The following YWHAE variants were observed in gnomAD, a reference collection of about 807,000 sequenced individuals.
The protein encoded by YWHAE is tyrosine 3-monooxygenase/tryptophan 5-monooxygenase activation protein epsilon, also known as 14-3-3 protein epsilon.
In YWHAE, 4 loss-of-function variants were observed where a neutral mutation model predicts 30.1. The ratio of observed to expected loss-of-function variants is 0.13; its 90% CI spans 0.07 to 0.30. The LOEUF (loss-of-function observed/expected upper bound fraction) is 0.30, where lower values mean the gene tolerates loss of function less well. YWHAE is among the 10% of genes least tolerant of loss of function. The pLI is 1.00. For missense variants in YWHAE, 121 were observed against 315.9 expected (o/e 0.38, Z 4.68); for synonymous variants, 118 against 111.8 (o/e 1.06, Z -0.35).
chr17:1,397,973 C>G (rs1336120123), intron 1 of YWHAE, among the ~76,000 whole-genome samples: 1 of 152,136 alleles, frequency 6.6e-6, no homozygotes, highest in Non-Finnish European at 1.5e-5. Context: ...GGGCTCTGGT[C>G]AGAAATCCTC....
chr17:1,359,651 A>G (rs540965009), intron 4 of YWHAE, among the ~76,000 whole-genome samples: 39 of 152,010 alleles, frequency 2.6e-4, no homozygotes, highest in Non-Finnish European at 4.0e-4. Context: ...GGCCAAATTC[A>G]TAGTGACAAC....
At chr17:1,384,818 G>A (rs1032263899) in intron 1 of YWHAE, among the ~76,000 whole-genome samples, 2 of 151,950 alleles carry the variant, frequency 1.3e-5, no homozygotes, top group Non-Finnish European at 2.9e-5. Flanking sequence ...AGATTCTCCT[G>A]CCTCCGCCTC....
intron 3 of YWHAE, chr17:1,361,649 C>G: frequency 4.4e-6 from 2 of 459,056 alleles, no homozygotes; most frequent in South Asian, 8.7e-5. Flanking sequence ...ATATATAACA[C>G]TAAGCACTGT....
At chr17:1,360,465 T>C (rs78636432) in intron 4 of YWHAE, among the ~76,000 whole-genome samples, 1,622 of 152,164 alleles carry the variant, frequency 0.011, 8 homozygotes, top group Non-Finnish European at 0.019. Flanking sequence ...AACATGCCCA[T>C]AGAAACAGAA....
chr17:1,363,437 TG>T (rs2072893830), intron 2 of YWHAE, among the ~76,000 whole-genome samples: 2 of 152,078 alleles, frequency 1.3e-5, no homozygotes, highest in Admixed American at 6.6e-5. Flanking sequence ...GGCTAATTTT[TG>T]TATTTTTAGT....
At chr17:1,353,050 TG>T (rs2072662268) in intron 5 of YWHAE, among the ~76,000 whole-genome samples, 1 of 152,202 alleles carries the variant, frequency 6.6e-6, no homozygotes, top group Non-Finnish European at 1.5e-5. Context: ...ATAACAAATT[TG>T]GGCTCCTGTA....
chr17:1,355,148 A>AAAAAAAAAAAAAAT (rs1555639303), intron 4 of YWHAE, among the ~76,000 whole-genome samples: 4 of 76,832 alleles, frequency 5.2e-5, no homozygotes, highest in Non-Finnish European at 1.1e-4. Context: ...AAAAAAAAAA[A>AAAAAAAAAAAAAAT]TTTTTTTTTT....
chr17:1,349,427 G>A (rs1008205451), intron 5 of YWHAE, among the ~76,000 whole-genome samples: 1 of 152,122 alleles, frequency 6.6e-6, no homozygotes, highest in Non-Finnish European at 1.5e-5. Flanking sequence ...TTCAGAGTTT[G>A]TTAGTTGTAC....
Position 1,361,217 on chromosome 17 carries a change from A to C in YWHAE, c.453T>G (p.Ala151=). The change falls in exon 4 of 6, where the codon GCT becomes GCG. Residue 151 remains alanine, a synonymous_variant. Coordinates refer to ENST00000264335, the MANE Select transcript of YWHAE (RefSeq NM_006761.5). The stretch of plus-strand genomic sequence containing the variant: ...TTGCAATATCACTAGCAGCTTTATA[A>C]GCCACTAGGCTGTTCTCCGCAGCCT... ...RKEAAENSLV[A]YKAASDIAMT... 6.2e-7 allele frequency: 1 copy of C among 1,614,052 alleles called. No individual in the cohort carries two copies. Among genetic ancestry groups the C allele is most frequent in the South Asian group, 1.1e-5 (1 of 91,078 alleles).
intron 1 of YWHAE, among the ~76,000 whole-genome samples, chr17:1,374,772 ATT>A (rs1010075304): frequency 5.9e-5 from 9 of 152,150 alleles, no homozygotes; most frequent in African/African-American, 2.2e-4. Context: ...ATATTTAATT[ATT>A]TGTCTTTTCA....
chr17:1,354,937 C>T (rs1374741182), intron 4 of YWHAE, among the ~76,000 whole-genome samples: 1 of 139,666 alleles, frequency 7.2e-6, no homozygotes, highest in East Asian at 2.3e-4. Flanking sequence ...GCTGGGATTA[C>T]AGGCGTGAGC....
intron 5 of YWHAE, among the ~76,000 whole-genome samples, chr17:1,349,670 G>T (rs2072589145): frequency 6.7e-6 from 1 of 149,542 alleles, no homozygotes; most frequent in African/African-American, 2.5e-5. Flanking sequence ...CTGGAGTGCA[G>T]TGGTGCTATC....
intron 5 of YWHAE, among the ~76,000 whole-genome samples, chr17:1,346,463 TATTTA>T (rs2072517518): frequency 6.6e-6 from 1 of 152,238 alleles, no homozygotes; most frequent in African/African-American, 2.4e-5. Flanking sequence ...CTTGTTAAAT[TATTTA>T]ATTAGGATGG....
At chr17:1,381,496 A>G (rs1177826023) in intron 1 of YWHAE, among the ~76,000 whole-genome samples, 3 of 152,166 alleles carry the variant, frequency 2.0e-5, no homozygotes, top group Admixed American at 6.6e-5. Flanking sequence ...GCAACAGGAC[A>G]AGACTCATCT....
At chr17:1,374,579 C>T (rs967541217) in intron 1 of YWHAE, among the ~76,000 whole-genome samples, 2 of 152,118 alleles carry the variant, frequency 1.3e-5, no homozygotes, top group Non-Finnish European at 2.9e-5. Context: ...AATCTGGCCA[C>T]GTCCTCAGGA....
chr17:1,351,394 A>C (rs887870978), intron 5 of YWHAE, among the ~76,000 whole-genome samples: 6 of 151,912 alleles, frequency 3.9e-5, no homozygotes, highest in African/African-American at 1.4e-4. Context: ...AAAAAAATAA[A>C]ACACACACAC....
intron 4 of YWHAE, among the ~76,000 whole-genome samples, chr17:1,360,439 G>A (rs532970305): frequency 1.2e-4 from 19 of 152,090 alleles, no homozygotes; most frequent in Non-Finnish European, 2.5e-4. Context: ...TGTTTGCTAC[G>A]AGAGTAACTA....
intron 2 of YWHAE, among the ~76,000 whole-genome samples, chr17:1,363,734 C>T (rs143661241): frequency 4.6e-5 from 7 of 152,308 alleles, no homozygotes; most frequent in Admixed American, 1.3e-4. Flanking sequence ...AGGACAGTGC[C>T]CAGTACAGCT....
chr17:1,348,980 AGCACCACT>A (rs1001994387), intron 5 of YWHAE, among the ~76,000 whole-genome samples: 2 of 150,330 alleles, frequency 1.3e-5, no homozygotes, highest in African/African-American at 4.9e-5. Flanking sequence ...GAGCCAAGAT[AGCACCACT>A]GCACTCCAGC....
Sources: gnomAD v4.1 joint callset for allele counts (sites outside exome capture counted in the v4.1 genomes callset) on GRCh38, gnomAD v4.1.1 for gene constraint, MANE v1.5 for transcripts, NCBI Gene and HGNC (gene_info 2026-07-23, HGNC 2026-07-21) for gene names.